Variants in DNAJC2 observed in about 807,000 individuals in gnomAD.
DNAJC2 encodes dnaJ homolog subfamily C member 2.
In DNAJC2, 32 loss-of-function variants were observed where a neutral mutation model predicts 94.0. The observed-to-expected ratio is 0.34, with a 90% CI of 0.26 to 0.46. DNAJC2 has a LOEUF of 0.46. DNAJC2 is among the 20% of genes least tolerant of loss of function. The probability of loss-of-function intolerance (pLI) is 1.00; values close to 1 mark genes in which losing one functional copy is unlikely to be tolerated. For synonymous variants in DNAJC2, 210 were observed against 229.7 expected (o/e 0.91, Z 0.77); for missense variants, 550 against 719.5 (o/e 0.76, Z 2.69).
At chr7:103,327,984 G>A (rs1468185493) in intron 3 of DNAJC2, among the ~76,000 whole-genome samples, 3 of 152,070 alleles carry the variant, frequency 2.0e-5, no homozygotes, top group South Asian at 2.1e-4. Flanking sequence ...GTAATGGCAC[G>A]ATCTCGGCTC....
intron 14 of DNAJC2, 23 bp downstream of exon 14, chr7:103,315,965 C>G: frequency 1.3e-6 from 2 of 1,572,088 alleles, no homozygotes; most frequent in Non-Finnish European, 1.7e-6. Flanking sequence ...TTTAAAGTAA[C>G]AAATGGACTT....
chr7:103,331,766 A>G (rs1171917525), intron 3 of DNAJC2, among the ~76,000 whole-genome samples: 1 of 152,156 alleles, frequency 6.6e-6, no homozygotes, highest in East Asian at 1.9e-4. Flanking sequence ...ATGGACACTT[A>G]GGTTGATTCC....
intron 13 of DNAJC2, chr7:103,316,426 T>C: frequency 4.5e-6 from 1 of 222,824 alleles, no homozygotes; most frequent in Non-Finnish European, 8.7e-6. Flanking sequence ...CGGTTTCATC[T>C]ATAGAATTAG....
At position 103,322,591 on chromosome 7, in the gene DNAJC2, C is replaced by T; in HGVS notation, c.853G>A (p.Glu285Lys). Residue 285 changes from glutamate to lysine, a missense_variant, in exon 9 of 17, where the codon GAA (glutamate) becomes AAA (lysine). By Grantham distance (56) the Glu-to-Lys change is moderately conservative (BLOSUM62 1). Transcript: ENST00000379263. ...SCDPRIKKFK[E>K]EEKAKKEAEK... is the part of the protein sequence containing the mutation. Reference sequence around the variant, plus strand: ...GCTTCTTTCTTGGCTTTTTCTTCTTCCTTGAACTTTTTTATCCTTGGATCA... The same window carrying T: ...GCTTCTTTCTTGGCTTTTTCTTCTTTCTTGAACTTTTTTATCCTTGGATCA... 1 of 1,611,248 alleles carries T rather than the reference C, an allele frequency of 6.2e-7. No individual in the cohort carries two copies. The highest frequency in any genetic ancestry group is 8.5e-7 in the Non-Finnish European group (1 of 1,178,348).
intron 13 of DNAJC2, chr7:103,316,620 GT>G: frequency 2.0e-6 from 1 of 503,866 alleles, no homozygotes; most frequent in Non-Finnish European, 3.5e-6. Flanking sequence ...TGAGAAACAA[GT>G]ATTCTGTCAT....
intron 9 of DNAJC2, 152 bp downstream of exon 9, chr7:103,322,359 C>G: frequency 1.1e-6 from 1 of 884,504 alleles, no homozygotes; most frequent in Non-Finnish European, 1.6e-6. Flanking sequence ...GAAGATCTCT[C>G]AATTATACCA....
chr7:103,344,628 C>T lies in DNAJC2; in HGVS notation c.-6G>A. The T allele has an allele frequency of 6.2e-7, 1 of 1,609,440 alleles. No individual in the cohort carries two copies. The highest frequency in any genetic ancestry group is 8.5e-7 in the Non-Finnish European group (1 of 1,179,908). Reference sequence around the variant, plus strand: ...GCGCTTGGCAGAAGCAGCATGATGGCGCCGGGTCTAGCCCGGTGGGCGCAG... The same window carrying T: ...GCGCTTGGCAGAAGCAGCATGATGGTGCCGGGTCTAGCCCGGTGGGCGCAG... On this transcript the variant is annotated 5_prime_UTR_variant, in exon 1 of 17. Coordinates refer to ENST00000379263, the MANE Select transcript of DNAJC2 (RefSeq NM_014377.3).
intron 15 of DNAJC2, among the ~76,000 whole-genome samples, chr7:103,314,876 G>A (rs537483634): frequency 1.3e-5 from 2 of 152,254 alleles, no homozygotes; most frequent in South Asian, 4.1e-4. Flanking sequence ...ATCTTTCTGC[G>A]ATTAGTTTAA....
chr7:103,318,571 G>C (rs919692393), intron 12 of DNAJC2, among the ~76,000 whole-genome samples: 1 of 151,982 alleles, frequency 6.6e-6, no homozygotes, highest in Admixed American at 6.6e-5. Context: ...TTCTTCTCAG[G>C]TTCTTCTCAG....
At chr7:103,326,454 C>CTATT (rs1563465706) in intron 5 of DNAJC2, 89 bp downstream of exon 5, 1 of 1,292,086 alleles carries the variant, frequency 7.7e-7, no homozygotes, top group African/African-American at 1.5e-5. Flanking sequence ...ATAAATGAAA[C>CTATT]TATTATCAGA....
intron 2 of DNAJC2, among the ~76,000 whole-genome samples, chr7:103,340,898 A>G (rs1819349466): frequency 6.6e-6 from 1 of 152,196 alleles, no homozygotes; most frequent in African/African-American, 2.4e-5. Flanking sequence ...GTCTTCACAT[A>G]GTCAAACTTG....
At chr7:103,322,928 C>A in intron 7 of DNAJC2, 134 bp from the exon 8 acceptor site, 4 of 758,698 alleles carry the variant, frequency 5.3e-6, no homozygotes, top group Non-Finnish European at 6.2e-6. Context: ...TAACATTAAA[C>A]AATGATTTTT....
At chr7:103,337,843 T>C (rs1473106142) in intron 2 of DNAJC2, 32 bp from the exon 3 acceptor site, 8 of 1,533,966 alleles carry the variant, frequency 5.2e-6, no homozygotes, top group South Asian at 1.1e-5. Context: ...GAGTCAAATT[T>C]GAAATGAAGC....
At chr7:103,324,591 A>C in intron 5 of DNAJC2, 29 bp from the exon 6 acceptor site, 1 of 1,420,294 alleles carries the variant, frequency 7.0e-7, no homozygotes, top group Non-Finnish European at 9.4e-7. Context: ...TATTCTTACA[A>C]TTCTTCAAAA....
chr7:103,323,449 GAGAA>G (rs1818531286), intron 7 of DNAJC2, 145 bp downstream of exon 7: 1 of 832,544 alleles, frequency 1.2e-6, no homozygotes, highest in African/African-American at 1.8e-5. Flanking sequence ...TTTAACTTGT[GAGAA>G]AGGATTTCAA....
intron 15 of DNAJC2, chr7:103,314,414 C>T: frequency 1.0e-6 from 1 of 985,324 alleles, no homozygotes; most frequent in Non-Finnish European, 1.2e-6. Flanking sequence ...GGAGTCATAC[C>T]CACATAGCAC....
intron 5 of DNAJC2, among the ~76,000 whole-genome samples, chr7:103,325,361 T>C (rs1483894572): frequency 1.3e-5 from 2 of 151,360 alleles, no homozygotes; most frequent in Non-Finnish European, 2.9e-5. Context: ...TGCTTGAACC[T>C]GGGAGGCAGA....
intron 3 of DNAJC2, 65 bp downstream of exon 3, chr7:103,337,671 A>T (rs1586111739): frequency 7.7e-7 from 1 of 1,302,322 alleles, no homozygotes; most frequent in Non-Finnish European, 1.1e-6. Flanking sequence ...TATATCTTTT[A>T]AAAAGCATAG....
intron 3 of DNAJC2, among the ~76,000 whole-genome samples, chr7:103,332,105 T>A (rs941190973): frequency 6.6e-6 from 1 of 151,674 alleles, no homozygotes; most frequent in African/African-American, 2.4e-5. Context: ...CTCGGGTTCA[T>A]GCCATTCTCC....
Sources: allele counts gnomAD v4.1 joint callset (sites outside exome capture counted in the v4.1 genomes callset), GRCh38; gene constraint gnomAD v4.1.1; transcripts MANE v1.5; gene names NCBI Gene and HGNC (gene_info 2026-07-23, HGNC 2026-07-21).